DGKB: variants seen among roughly 807,000 people sequenced by gnomAD.
The protein encoded by DGKB is 90 kDa diacylglycerol kinase.
A neutral mutation model predicts 114.3 loss-of-function variants in DGKB; 67 were observed. That is an observed-to-expected ratio of 0.59 (90% CI 0.48 to 0.72). DGKB has a LOEUF of 0.72. Ranked by LOEUF, DGKB falls within the 30% of genes least tolerant of loss-of-function variation. The probability of loss-of-function intolerance (pLI) is 0.00; values close to 1 mark genes in which losing one functional copy is unlikely to be tolerated. For synonymous variants in DGKB, 398 were observed against 323.1 expected (o/e 1.23, Z -2.49); for missense variants, 907 against 975.2 (o/e 0.93, Z 0.93).
At chr7:14,458,680 T>G (rs1832650404) in intron 21 of DGKB, among the ~76,000 whole-genome samples, 1 of 152,114 alleles carries the variant, frequency 6.6e-6, no homozygotes, top group African/African-American at 2.4e-5. Context: ...GATACTAAGC[T>G]TTTCCCACAG....
intron 23 of DGKB, among the ~76,000 whole-genome samples, chr7:14,299,622 T>G (rs576480729): frequency 6.6e-6 from 1 of 152,234 alleles, no homozygotes; most frequent in East Asian, 1.9e-4. Context: ...TGTATACCCA[T>G]AGTGATAACA....
intron 5 of DGKB, among the ~76,000 whole-genome samples, chr7:14,730,960 G>C (rs1404887502): frequency 6.6e-6 from 1 of 152,182 alleles, no homozygotes; most frequent in African/African-American, 2.4e-5. Flanking sequence ...GAACGTTTTG[G>C]AGATGGGAAG....
chr7:14,906,701 T>C (rs1001243576), upstream of DGKB, among the ~76,000 whole-genome samples: 1 of 152,152 alleles, frequency 6.6e-6, no homozygotes, highest in African/African-American at 2.4e-5. Flanking sequence ...TCCACCCACG[T>C]TGGCCTCCCA....
At chr7:14,943,169 A>G (rs980276204) in intron 1 of DGKB, among the ~76,000 whole-genome samples, 4 of 151,928 alleles carry the variant, frequency 2.6e-5, no homozygotes, top group South Asian at 2.1e-4. Context: ...CACTTGAGAT[A>G]TATTTAAACC....
At chr7:14,605,809 G>A (rs1804398003) in intron 17 of DGKB, among the ~76,000 whole-genome samples, 1 of 152,016 alleles carries the variant, frequency 6.6e-6, no homozygotes, top group African/African-American at 2.4e-5. Context: ...AAATAATACG[G>A]ATAATAAACC....
chr7:14,910,740 C>T (rs1783960685), intron 1 of DGKB, among the ~76,000 whole-genome samples: 1 of 152,140 alleles, frequency 6.6e-6, no homozygotes, highest in South Asian at 2.1e-4. Context: ...CTATTCTTAA[C>T]ACCTCTGCTA....
At chr7:14,183,929 C>G (rs915265591) in intron 23 of DGKB, among the ~76,000 whole-genome samples, 1 of 152,186 alleles carries the variant, frequency 6.6e-6, no homozygotes, top group Non-Finnish European at 1.5e-5. Flanking sequence ...AAGTGGACTG[C>G]TCCTGCGGAG....
chr7:14,775,374 G>T (rs1051957869), intron 2 of DGKB, among the ~76,000 whole-genome samples: 1 of 151,528 alleles, frequency 6.6e-6, no homozygotes, highest in African/African-American at 2.4e-5. Context: ...ATATACATAC[G>T]TTGATATGGT....
chr7:14,932,236 G>C (rs1332159569), intron 1 of DGKB, among the ~76,000 whole-genome samples: 1 of 152,112 alleles, frequency 6.6e-6, no homozygotes, highest in African/African-American at 2.4e-5. Context: ...ATTTACTCCT[G>C]ATTCCCAGCC....
At chr7:14,210,317 CAG>C in intron 23 of DGKB, among the ~76,000 whole-genome samples, 1 of 152,048 alleles carries the variant, frequency 6.6e-6, no homozygotes, top group Non-Finnish European at 1.5e-5. Flanking sequence ...CAAAGGCAAA[CAG>C]GAATTCATTT....
At chr7:14,875,109 TG>T (rs1445405016) in intron 1 of DGKB, among the ~76,000 whole-genome samples, 1 of 151,980 alleles carries the variant, frequency 6.6e-6, no homozygotes, top group Non-Finnish European at 1.5e-5. Context: ...TGAATTCCCC[TG>T]AAAGCCATAG....
intron 20 of DGKB, among the ~76,000 whole-genome samples, chr7:14,526,851 G>C (rs890864552): frequency 1.3e-5 from 2 of 151,962 alleles, no homozygotes; most frequent in Admixed American, 1.3e-4. Context: ...GTGAGTGTGT[G>C]AACTTAGCAG....
chr7:14,213,554 A>G (rs1048828791), intron 23 of DGKB, among the ~76,000 whole-genome samples: 6 of 152,096 alleles, frequency 3.9e-5, no homozygotes, highest in African/African-American at 1.4e-4. Context: ...AGGTATGCTA[A>G]CTCTTCAGTA....
intron 21 of DGKB, among the ~76,000 whole-genome samples, chr7:14,422,187 G>T (rs1826818670): frequency 6.6e-6 from 1 of 151,878 alleles, no homozygotes; most frequent in South Asian, 2.1e-4. Flanking sequence ...CCTTTCAATT[G>T]TTTCTAAATA....
chr7:14,563,890 G>T (rs1797028671), intron 20 of DGKB, among the ~76,000 whole-genome samples: 2 of 152,084 alleles, frequency 1.3e-5, no homozygotes, highest in South Asian at 2.1e-4. Flanking sequence ...AGCTGCTGTA[G>T]TTTTCCTGCT....
At position 14,462,389 on chromosome 7, in the gene DGKB, A is replaced by G. The variant is rs527933279; in HGVS notation, c.1835+15772T>C. 2.6e-5 allele frequency among the ~76,000 whole-genome samples: 4 copies of G among 152,224 alleles called. No individual in the cohort carries two copies. The South Asian group carries it at 8.3e-4, about 31-fold the overall frequency. On this transcript the variant is annotated intron_variant, in intron 21 of 25. Transcript: ENST00000402815. ...CTCAGCCCCAAATCTCCTTAAGCTG[A>G]TAAGCAACTTCAGCAGTCTCAGGAG...
intron 1 of DGKB, among the ~76,000 whole-genome samples, chr7:14,870,720 A>G (rs928250943): frequency 1.6e-4 from 24 of 152,160 alleles, no homozygotes; most frequent in Non-Finnish European, 3.2e-4. Context: ...GCTTGAACCC[A>G]GGAGGGGGAG....
chr7:14,727,477 A>G (rs540809474), intron 5 of DGKB, among the ~76,000 whole-genome samples: 126 of 152,310 alleles, frequency 8.3e-4, no homozygotes, highest in Middle Eastern at 6.8e-3. Context: ...TATGAATTCA[A>G]TACTACAGAG....
chr7:14,768,300 T>A (rs759001209), intron 2 of DGKB, among the ~76,000 whole-genome samples: 1 of 151,950 alleles, frequency 6.6e-6, no homozygotes, highest in Non-Finnish European at 1.5e-5. Flanking sequence ...CATAATTAAA[T>A]GTAGTTGAAG....
Sources: allele counts gnomAD v4.1 joint callset (sites outside exome capture counted in the v4.1 genomes callset), GRCh38; gene constraint gnomAD v4.1.1; transcripts MANE v1.5; gene names NCBI Gene and HGNC (gene_info 2026-07-23, HGNC 2026-07-21).